Variants in PRSS12 observed in about 807,000 individuals in gnomAD.
PRSS12 encodes the protein neurotrypsin.
PRSS12 carries 85 observed loss-of-function variants against 104.4 expected under a neutral mutation model. The ratio of observed to expected loss-of-function variants is 0.81; its 90% CI spans 0.68 to 0.98. The LOEUF is 0.98. PRSS12 is among the 50% of genes least tolerant of loss of function. PRSS12 has a pLI of 0.00. For synonymous variants in PRSS12, 454 were observed against 425.2 expected (o/e 1.07, Z -0.83); for missense variants, 1,141 against 1,139.2 (o/e 1.00, Z -0.02).
intron 7 of PRSS12, 73 bp downstream of exon 7, chr4:118,313,128 T>C (rs1179362358): frequency 1.3e-6 from 2 of 1,554,970 alleles, no homozygotes; most frequent in African/African-American, 2.7e-5. Context: ...AAACACTTCA[T>C]ATTCAAGGCC....
At chr4:118,282,714 CAAAATTTCTCCAAAT>C in intron 12 of PRSS12, 102 bp downstream of exon 12, 1 of 1,454,782 alleles carries the variant, frequency 6.9e-7, no homozygotes, top group Admixed American at 1.7e-5. Context: ...TCACACTAAG[CAAAATTTCTCCAAAT>C]AAGTCTGAAT....
intron 1 of PRSS12, among the ~76,000 whole-genome samples, chr4:118,347,780 C>T (rs958124931): frequency 3.3e-5 from 5 of 152,206 alleles, no homozygotes; most frequent in Admixed American, 6.5e-5. Flanking sequence ...CCTCTATCTC[C>T]TGGCCTCAAG....
At chr4:118,286,316 C>T (rs1389901573) in intron 11 of PRSS12, among the ~76,000 whole-genome samples, 2 of 152,170 alleles carry the variant, frequency 1.3e-5, no homozygotes, top group Admixed American at 1.3e-4. Context: ...CCCCTGTGCT[C>T]CTGTCATTTA....
chr4:118,295,184 A>G (rs1743226626), intron 10 of PRSS12, 123 bp from the exon 11 acceptor site: 3 of 1,244,950 alleles, frequency 2.4e-6, no homozygotes, highest in African/African-American at 1.5e-5. Flanking sequence ...GGAAAGCAAA[A>G]GGGACTCCAG....
chr4:118,352,662 C>A lies in PRSS12; in HGVS notation c.59G>T (p.Gly20Val). 1 of 1,613,358 alleles carries A rather than the reference C, an allele frequency of 6.2e-7. No homozygotes were observed. Among genetic ancestry groups the A allele is most frequent in the Non-Finnish European group, 8.5e-7 (1 of 1,179,610 alleles). Reference protein sequence around the residue: ...LMLGALPEVVGFDSVLNDSLH... With the variant: ...LMLGALPEVVVFDSVLNDSLH... ...GGAATCATTGAGGACAGAATCAAAG[C>A]CGACCACTTCGGGGAGCGCCCCTAA... Residue 20 changes from glycine to valine, a missense_variant, in exon 1 of 13, where the codon GGC becomes GTC. Gly to Val is a moderately radical substitution (Grantham distance 109, BLOSUM62 -3). Transcript: ENST00000296498.
At position 118,335,503 on chromosome 4, in the gene PRSS12, C is replaced by T. The variant is rs775460652; in HGVS notation, c.790G>A (p.Ala264Thr). The part of the protein sequence containing the change: ...WQGGVCPQKM[A>T]AAVTCSFSHG... ...GAAAAGCTACACGTGACAGCAGCTG[C>T]CATCTTCTGAGGACACACCCCACCC... Residue 264 changes from alanine (A) to threonine (T), a missense_variant, in exon 3 of 13, where the codon GCA becomes ACA. Physicochemically the swap from Ala to Thr is moderately conservative, Grantham distance 58. Transcript: ENST00000296498. 1 of 1,613,934 alleles carries T rather than the reference C, an allele frequency of 6.2e-7. No individual in the cohort carries two copies. The highest frequency in any genetic ancestry group is 1.7e-5 in the Admixed American group (1 of 59,970).
intron 7 of PRSS12, among the ~76,000 whole-genome samples, chr4:118,312,395 CACAG>C (rs1349021802): frequency 2.6e-5 from 4 of 152,052 alleles, no homozygotes; most frequent in East Asian, 1.9e-4. Flanking sequence ...TACACATACA[CACAG>C]ATAGATATAT....
chr4:118,318,242 C>G, intron 5 of PRSS12, 136 bp downstream of exon 5: 1 of 873,728 alleles, frequency 1.1e-6, no homozygotes, highest in Non-Finnish European at 1.8e-6. Flanking sequence ...GGTTTGCATT[C>G]TTTTTGTTTG....
At position 118,280,967 on chromosome 4, in the gene PRSS12, T is replaced by C. The variant is rs188629447; in HGVS notation, c.*969A>G. ...TGCCTAATGCAGTGCCTGGCATATGTTATAACTGCTGTATGTATTAGAACT... is the reference window on the plus strand; with the variant it reads ...TGCCTAATGCAGTGCCTGGCATATGCTATAACTGCTGTATGTATTAGAACT... On this transcript the variant is annotated 3_prime_UTR_variant, in exon 13 of 13. Coordinates refer to ENST00000296498, the MANE Select transcript of PRSS12 (RefSeq NM_003619.4). The C allele has an allele frequency of 5.3e-5, 8 of 152,356 alleles. No individual in the cohort carries two copies. The East Asian group carries it at 1.5e-3, about 29-fold the overall frequency. The allele number at this position is 152,356 out of a possible 1,614,324, so 9.4% of individuals were successfully genotyped here. A position where few individuals can be genotyped will look rare whatever the true frequency, so the allele number is the denominator to read the frequency against.
chr4:118,321,880 T>C lies in PRSS12; in HGVS notation c.972-3324A>G, dbSNP rs78397038. ...AAGAAATATTTATGGAAGTAATTTATGGCCTATAGGAGACTGAACAAATGC... is the reference window on the plus strand; with the variant it reads ...AAGAAATATTTATGGAAGTAATTTACGGCCTATAGGAGACTGAACAAATGC... On this transcript the variant is annotated intron_variant, in intron 4 of 12. Coordinates refer to ENST00000296498, the MANE Select transcript of PRSS12 (RefSeq NM_003619.4). Among the ~76,000 whole-genome samples the C allele has an allele frequency of 4.6e-3, 704 of 152,306 alleles. 13 individuals are homozygous for C. The highest frequency in any genetic ancestry group is 0.016 in the African/African-American group (679 of 41,568).
intron 11 of PRSS12, among the ~76,000 whole-genome samples, chr4:118,292,015 G>A (rs749658390): frequency 2.6e-5 from 4 of 151,926 alleles, no homozygotes; most frequent in African/African-American, 4.8e-5. Flanking sequence ...ACGATGACAC[G>A]CGTATACCTA....
rs570905023 is a variant in PRSS12, at chr4:118,281,726, A to G, written c.*210T>C. 3 of 595,116 alleles carry G rather than the reference A, an allele frequency of 5.0e-6. No individual in the cohort carries two copies. In the South Asian group the frequency reaches 5.9e-5, roughly 12 times the overall value. The allele number at this position is 595,116 out of a possible 1,614,324, so 36.9% of individuals were successfully genotyped here. A position where few individuals can be genotyped will look rare whatever the true frequency, so the allele number is the denominator to read the frequency against. On this transcript the variant is annotated 3_prime_UTR_variant, in exon 13 of 13. Transcript: ENST00000296498. ...CACTCCAGTGAAATTAGGGTAGAAA[A>G]TGTTCATTTAAGGATTATCACTTCC...
chr4:118,331,836 C>G lies in PRSS12; in HGVS notation c.851G>C (p.Gly284Ala), dbSNP rs1723927802. Residue 284 changes from glycine (G) to alanine (A), a missense_variant, in exon 4 of 13, where the codon GGA becomes GCA. Coordinates refer to ENST00000296498, the MANE Select transcript of PRSS12 (RefSeq NM_003619.4). ...GPTFPIIRLA[G>A]GSSVHEGRVE... ...CCGGCCTTCATGCACACTGCTGCCT[C>G]CAGCAAGGCGAATGATGGGGAACGT... 1 of 1,614,086 alleles carries G rather than the reference C, an allele frequency of 6.2e-7. No individual in the cohort carries two copies. Among genetic ancestry groups the G allele is most frequent in the South Asian group, 1.1e-5 (1 of 91,082 alleles).
intron 1 of PRSS12, among the ~76,000 whole-genome samples, chr4:118,348,883 C>T (rs565548389): frequency 6.6e-6 from 1 of 151,062 alleles, no homozygotes; most frequent in East Asian, 1.9e-4. Flanking sequence ...AACTCCCGAC[C>T]TCAGGTGATC....
chr4:118,345,572 A>C (rs897876645), intron 1 of PRSS12, among the ~76,000 whole-genome samples: 9 of 152,150 alleles, frequency 5.9e-5, no homozygotes, highest in Non-Finnish European at 1.2e-4. Flanking sequence ...TCATATAATC[A>C]TGTTTACTTA....
At chr4:118,301,943 A>G (rs1177811813) in intron 8 of PRSS12, among the ~76,000 whole-genome samples, 2 of 152,166 alleles carry the variant, frequency 1.3e-5, no homozygotes, top group Non-Finnish European at 2.9e-5. Context: ...TTAAGGCTTT[A>G]GTGCAACCTC....
At chr4:118,323,220 C>T (rs1723678998) in intron 4 of PRSS12, among the ~76,000 whole-genome samples, 1 of 152,002 alleles carries the variant, frequency 6.6e-6, no homozygotes, top group Admixed American at 6.6e-5. Context: ...GACAGGATCA[C>T]TGACAGAGAA....
intron 1 of PRSS12, among the ~76,000 whole-genome samples, chr4:118,340,280 C>A (rs1724168903): frequency 6.6e-6 from 1 of 152,188 alleles, no homozygotes; most frequent in Admixed American, 6.5e-5. Context: ...GCAGTATCTG[C>A]TATATGGCAA....
chr4:118,285,681 T>G (rs557485325), intron 11 of PRSS12, among the ~76,000 whole-genome samples: 7 of 152,314 alleles, frequency 4.6e-5, no homozygotes, highest in African/African-American at 1.4e-4. Flanking sequence ...AACTAAAATA[T>G]TGTCCCTATA....
Sources: allele counts gnomAD v4.1 joint callset (sites outside exome capture counted in the v4.1 genomes callset), GRCh38; gene constraint gnomAD v4.1.1; transcripts MANE v1.5; gene names NCBI Gene and HGNC (gene_info 2026-07-23, HGNC 2026-07-21).